COLEC10: variants seen among roughly 807,000 people sequenced by gnomAD.
The protein encoded by COLEC10 is collectin subfamily member 10.
In COLEC10, 22 loss-of-function variants were observed where a neutral mutation model predicts 28.4. That is an observed-to-expected ratio of 0.78 (90% CI 0.55 to 1.11). The LOEUF (loss-of-function observed/expected upper bound fraction) is 1.11. Ranked by LOEUF, COLEC10 falls within the 50% of genes least tolerant of loss-of-function variation. COLEC10 has a pLI of 0.00. For synonymous variants in COLEC10, 125 were observed against 116.1 expected, an observed-to-expected ratio of 1.08 and a Z score of -0.49; for missense variants, 361 against 344.1, an observed-to-expected ratio of 1.05 and a Z score of -0.39.
chr8:119,091,595 G>GAGAGAGAGAGAGAAAGAA (rs1250359009), intron 3 of COLEC10, among the ~76,000 whole-genome samples: 3 of 138,576 alleles, frequency 2.2e-5, no homozygotes, highest in African/African-American at 8.3e-5. Context: ...GAGAGAGAGA[G>GAGAGAGAGAGAGAAAGAA]AGAAAGAAAG....
chr8:119,061,945 T>C (rs1349474613), intron 2 of COLEC10, among the ~76,000 whole-genome samples: 1 of 152,114 alleles, frequency 6.6e-6, no homozygotes, highest in African/African-American at 2.4e-5. Flanking sequence ...TTTACATTTC[T>C]ACAAAACTGA....
chr8:118,995,880 T>C (rs1173502680), intron 1 of COLEC10, among the ~76,000 whole-genome samples: 3 of 151,684 alleles, frequency 2.0e-5, no homozygotes, highest in Non-Finnish European at 4.4e-5. Context: ...CTGTTTTTTT[T>C]AATTGTGGTA....
At chr8:118,994,865 A>T (rs544202687), upstream of COLEC10, among the ~76,000 whole-genome samples, 1 of 152,334 alleles carries the variant, frequency 6.6e-6, no homozygotes, top group South Asian at 2.1e-4. Context: ...TAGTTTGAAA[A>T]GTTGTTTTCC....
chr8:118,973,234 G>T, the COLEC10 span, among the ~76,000 whole-genome samples: 26 of 152,090 alleles, frequency 1.7e-4, no homozygotes, highest in African/African-American at 6.3e-4. Context: ...ATGCATAATA[G>T]TTCACCACAA....
At chr8:119,026,351 T>C (rs1228783686) in intron 2 of COLEC10, among the ~76,000 whole-genome samples, 8 of 151,988 alleles carry the variant, frequency 5.3e-5, no homozygotes, top group Admixed American at 5.2e-4. Flanking sequence ...GCCGGGAGTT[T>C]GAGACCAGCC....
intron 2 of COLEC10, among the ~76,000 whole-genome samples, chr8:119,038,435 GA>G (rs891885973): frequency 5.3e-5 from 8 of 152,150 alleles, no homozygotes; most frequent in African/African-American, 1.9e-4. Context: ...TGTAATTTTG[GA>G]AAAAGGGAAG....
chr8:119,023,260 C>A (rs1814129844), intron 2 of COLEC10, among the ~76,000 whole-genome samples: 1 of 152,050 alleles, frequency 6.6e-6, no homozygotes. Context: ...ATTTATTGTT[C>A]ATCCTTTATT....
chr8:119,089,333 G>C (rs1477200015), intron 1 of COLEC10, among the ~76,000 whole-genome samples: 2 of 151,974 alleles, frequency 1.3e-5, no homozygotes, highest in Non-Finnish European at 2.9e-5. Flanking sequence ...CTGTGTGTGT[G>C]TGTGTGCGTG....
chr8:118,986,037 C>CCA, the COLEC10 span, among the ~76,000 whole-genome samples: 1 of 152,084 alleles, frequency 6.6e-6, no homozygotes, highest in African/African-American at 2.4e-5. Flanking sequence ...GGCTCCGTGA[C>CCA]AGACTCTCTA....
At chr8:119,104,063 G>A (rs1815892354) in intron 5 of COLEC10, among the ~76,000 whole-genome samples, 168 bp downstream of exon 5, 1 of 151,990 alleles carries the variant, frequency 6.6e-6, no homozygotes, top group Non-Finnish European at 1.5e-5. Context: ...GACTCCCCTA[G>A]GACACCTCAA....
chr8:118,979,546 T>G, the COLEC10 span, among the ~76,000 whole-genome samples: 10 of 152,056 alleles, frequency 6.6e-5, no homozygotes, highest in African/African-American at 2.4e-4. Context: ...CAAATTACTC[T>G]GATATGTTTG....
the COLEC10 span, among the ~76,000 whole-genome samples, chr8:118,969,010 C>T: frequency 4.9e-4 from 74 of 152,090 alleles, no homozygotes; most frequent in Middle Eastern, 3.4e-3. Flanking sequence ...TAATTGATTA[C>T]ATTAAGGATC....
chr8:119,073,640 A>G (rs1191634558), intron 1 of COLEC10, among the ~76,000 whole-genome samples: 1 of 152,122 alleles, frequency 6.6e-6, no homozygotes, highest in Non-Finnish European at 1.5e-5. Context: ...GTAGATACTA[A>G]GAAGGCATTT....
At chr8:118,956,103 A>G in the COLEC10 span, among the ~76,000 whole-genome samples, 152,143 of 152,280 alleles carry the variant, frequency 1, 76,003 homozygotes, top group East Asian at 1. Flanking sequence ...TGCCAACTTT[A>G]CCTTGCAACC....
At chr8:119,012,446 G>A (rs970817373) in intron 2 of COLEC10, among the ~76,000 whole-genome samples, 1 of 150,190 alleles carries the variant, frequency 6.7e-6, no homozygotes, top group Non-Finnish European at 1.5e-5. Flanking sequence ...GTAAGGTCTT[G>A]GTCTGGTTTT....
At position 119,106,000 on chromosome 8, in the gene COLEC10, G is replaced by T; in HGVS notation, c.643G>T (p.Glu215Ter). Residue 215 changes from glutamate to a stop codon, truncating the protein, a stop_gained, in exon 6 of 6, where the codon GAA (glutamate) becomes TAA (stop). Coordinates refer to ENST00000332843, the MANE Select transcript of COLEC10 (RefSeq NM_006438.5). LOFTEE classifies it high-confidence loss of function. ...FRVFIGVNDLEREGQYMFTDN... is the reference protein window; with the variant it reads ...FRVFIGVNDL ...GGTGTTCATTGGCGTGAATGACCTT[G>T]AAAGGGAGGGACAGTACATGTTCAC... is the stretch of plus-strand genomic sequence containing the variant. 6.2e-7 allele frequency: 1 copy of T among 1,613,812 alleles called. No individual in the cohort carries two copies. The highest frequency in any genetic ancestry group is 8.5e-7 in the Non-Finnish European group (1 of 1,179,876).
chr8:119,013,018 T>C (rs1280648826), intron 2 of COLEC10, among the ~76,000 whole-genome samples: 1 of 150,334 alleles, frequency 6.7e-6, no homozygotes, highest in Non-Finnish European at 1.5e-5. Flanking sequence ...TGCTGCTCTT[T>C]TTTTTTTCTA....
Position 119,104,017 on chromosome 8 carries a change from G to T in COLEC10, c.442+122G>T, listed in dbSNP as rs1396449054. 4 of 684,358 alleles carry T rather than the reference G, an allele frequency of 5.8e-6. No homozygotes were observed. In the Admixed American group the frequency reaches 1.1e-4, roughly 19 times the overall value. The allele number at this position is 684,358 out of a possible 1,614,324, so 42.4% of individuals were successfully genotyped here. A position where few individuals can be genotyped will look rare whatever the true frequency, so the allele number is the denominator to read the frequency against. ...AAGGGCTATTGAGATAGTGTCACCAGTTTAAGGGTCTCCCAAATTGCTAAT... is the reference window on the plus strand; with the variant it reads ...AAGGGCTATTGAGATAGTGTCACCATTTTAAGGGTCTCCCAAATTGCTAAT... On this transcript the variant is annotated intron_variant, in intron 5 of 5. Transcript: ENST00000332843.
chr8:118,955,567 C>A, the COLEC10 span, among the ~76,000 whole-genome samples: 1 of 152,176 alleles, frequency 6.6e-6, no homozygotes, highest in African/African-American at 2.4e-5. Flanking sequence ...AATATATAAA[C>A]AAGACTGTGT....
Sources: gnomAD v4.1 joint callset for allele counts (sites outside exome capture counted in the v4.1 genomes callset) on GRCh38, gnomAD v4.1.1 for gene constraint, MANE v1.5 for transcripts, NCBI Gene and HGNC (gene_info 2026-07-23, HGNC 2026-07-21) for gene names.